Variants in HIP1 observed in about 807,000 individuals in gnomAD.
The protein encoded by HIP1 is huntingtin interacting protein 1.
A neutral mutation model predicts 147.6 loss-of-function variants in HIP1; 65 were observed. The observed-to-expected ratio is 0.44, with a 90% CI of 0.36 to 0.54. The LOEUF (loss-of-function observed/expected upper bound fraction) is 0.54, where lower values mean the gene tolerates loss of function less well. HIP1 is among the 20% of genes least tolerant of loss of function. HIP1 has a pLI of 0.00. For synonymous variants in HIP1, 479 were observed against 504.0 expected (o/e 0.95, Z 0.67); for missense variants, 1,061 against 1,299.6 (o/e 0.82, Z 2.82).
At chr7:75,604,518 T>C (rs1033175317) in intron 1 of HIP1, among the ~76,000 whole-genome samples, 8 of 152,050 alleles carry the variant, frequency 5.3e-5, no homozygotes, top group African/African-American at 1.7e-4. Flanking sequence ...TACAAAATAT[T>C]AGCTGGGTAT....
chr7:75,604,737 C>T (rs1346440359), intron 1 of HIP1, among the ~76,000 whole-genome samples: 1 of 152,058 alleles, frequency 6.6e-6, no homozygotes, highest in Non-Finnish European at 1.5e-5. Flanking sequence ...GAAACTGCTT[C>T]AGGGCCTCTA....
intron 1 of HIP1, among the ~76,000 whole-genome samples, chr7:75,681,203 G>A (rs1329356842): frequency 2.6e-5 from 4 of 151,972 alleles, no homozygotes; most frequent in South Asian, 2.1e-4. Context: ...ATGAGCCACC[G>A]CGCCCAGTGA....
chr7:75,646,353 C>G (rs1182861803), intron 1 of HIP1, among the ~76,000 whole-genome samples: 1 of 152,236 alleles, frequency 6.6e-6, no homozygotes, highest in Non-Finnish European at 1.5e-5. Context: ...TCCCAAAGTG[C>G]TGGGATTACG....
chr7:75,638,644 G>C (rs975683065), intron 1 of HIP1, among the ~76,000 whole-genome samples: 1 of 134,774 alleles, frequency 7.4e-6, no homozygotes, highest in Non-Finnish European at 1.6e-5. Context: ...CCCTGCCCAC[G>C]GGCTCAGCCC....
intron 1 of HIP1, among the ~76,000 whole-genome samples, chr7:75,693,231 A>C (rs2023891): frequency 0.57 from 86,077 of 151,842 alleles, 25,534 homozygotes; most frequent in African/African-American, 0.74. Flanking sequence ...GTGAAAGACT[A>C]TGCTTACATT....
chr7:75,650,823 T>C (rs150418242), intron 1 of HIP1, among the ~76,000 whole-genome samples: 1 of 152,220 alleles, frequency 6.6e-6, no homozygotes, highest in East Asian at 1.9e-4. Flanking sequence ...GGCTCAGAGC[T>C]GGTGTCCCCG....
intron 1 of HIP1, among the ~76,000 whole-genome samples, chr7:75,691,028 T>A (rs1229659998): frequency 6.6e-6 from 1 of 152,148 alleles, no homozygotes; most frequent in Admixed American, 6.6e-5. Context: ...GATCGGCAGA[T>A]GAAATGGATA....
At chr7:75,726,808 C>T (rs1415796784) in intron 1 of HIP1, among the ~76,000 whole-genome samples, 2 of 150,396 alleles carry the variant, frequency 1.3e-5, no homozygotes, top group Admixed American at 1.3e-4. Context: ...TCCCAAATAG[C>T]TGGGATTACA....
chr7:75,664,627 C>G (rs1237880136), intron 1 of HIP1, among the ~76,000 whole-genome samples: 1 of 150,132 alleles, frequency 6.7e-6, no homozygotes, highest in African/African-American at 2.5e-5. Context: ...GACAGGCAGA[C>G]GGACAGACAA....
In HIP1 at chr7:75,586,680, G is replaced by A. The variant is rs1796297848; in HGVS notation, c.465+73C>T. The stretch of plus-strand genomic sequence containing the variant: ...CTATTACCTGAAAGAGCTGACAAAT[G>A]AGCCCAGGGAGGGGCTGAAGGGATG... On this transcript the variant is annotated intron_variant, in intron 5 of 30. Transcript: ENST00000336926. 4 of 899,998 alleles carry A rather than the reference G, an allele frequency of 4.4e-6. No homozygotes were observed. In the African/African-American group the frequency reaches 4.9e-5, roughly 11 times the overall value. The allele number at this position is 899,998 out of a possible 1,614,324, so 55.8% of individuals were successfully genotyped here.
chr7:75,684,716 C>T (rs960746330), intron 1 of HIP1, among the ~76,000 whole-genome samples: 2 of 152,154 alleles, frequency 1.3e-5, no homozygotes, highest in East Asian at 3.8e-4. Context: ...TTATTCTGCG[C>T]TTCAGTGAAT....
At chr7:75,694,505 CTTTT>C (rs11286111) in intron 1 of HIP1, among the ~76,000 whole-genome samples, 2 of 117,528 alleles carry the variant, frequency 1.7e-5, no homozygotes, top group African/African-American at 3.4e-5. Context: ...TTCTTTCTTT[CTTTT>C]TTTTTTTTTT....
chr7:75,688,224 G>T (rs142813360), intron 1 of HIP1, among the ~76,000 whole-genome samples: 38 of 152,292 alleles, frequency 2.5e-4, no homozygotes, highest in African/African-American at 8.4e-4. Flanking sequence ...CAATCCGGGA[G>T]GTGGGACCGC....
intron 1 of HIP1, among the ~76,000 whole-genome samples, chr7:75,688,819 C>T (rs1170979215): frequency 6.6e-6 from 1 of 152,202 alleles, no homozygotes; most frequent in Non-Finnish European, 1.5e-5. Flanking sequence ...CGGCGTGTCC[C>T]TGACTTGGGT....
rs1199610172 is a variant in HIP1, at chr7:75,674,509, T to C, written c.120+64292A>G. ...ACTCTGCGGCTTTTTGTTTTTTTTT[T>C]TGAGACAGAGTCTCACTCTGTCGCC... is the stretch of plus-strand genomic sequence containing the variant. On this transcript the variant is annotated intron_variant, in intron 1 of 30. Transcript: ENST00000336926. Among the ~76,000 whole-genome samples, 10 of 59,676 alleles carry C rather than the reference T, an allele frequency of 1.7e-4. No individual in the cohort carries two copies. In the South Asian group the frequency reaches 4.6e-3, roughly 27 times the overall value. The allele number at this position is 59,676 out of a possible 152,430, so 39.1% of individuals were successfully genotyped here. A position where few individuals can be genotyped will look rare whatever the true frequency, so the allele number is the denominator to read the frequency against.
At chr7:75,723,026 T>C (rs1801545146) in intron 1 of HIP1, among the ~76,000 whole-genome samples, 1 of 152,192 alleles carries the variant, frequency 6.6e-6, no homozygotes, top group Non-Finnish European at 1.5e-5. Flanking sequence ...TCAGGCCTCC[T>C]GCCCTGAAGC....
At chr7:75,570,576 C>T (rs1554496434) in intron 8 of HIP1, among the ~76,000 whole-genome samples, 4 of 151,082 alleles carry the variant, frequency 2.6e-5, no homozygotes, top group East Asian at 3.9e-4. Context: ...CAGGCGTGAG[C>T]CACCGTGCCC....
rs587747687 is a variant in HIP1 at position 75,542,755 on chromosome 7, G to T, written c.2890+96C>A. 31 of 1,133,966 alleles carry T rather than the reference G, an allele frequency of 2.7e-5. No homozygotes were observed. In the African/African-American group the frequency reaches 3.7e-4, roughly 14 times the overall value. The allele number at this position is 1,133,966 out of a possible 1,614,324, so 70.2% of individuals were successfully genotyped here. Reference sequence around the variant, plus strand: ...AAGATGAAAAATATGAAAGAATTTAGACACAGTCCTGTGGGATTTGGTTGG... The same window carrying T: ...AAGATGAAAAATATGAAAGAATTTATACACAGTCCTGTGGGATTTGGTTGG... On this transcript the variant is annotated intron_variant, in intron 28 of 30. Transcript: ENST00000336926.
intron 7 of HIP1, among the ~76,000 whole-genome samples, chr7:75,576,504 T>G (rs1795850666): frequency 6.6e-6 from 1 of 152,104 alleles, no homozygotes; most frequent in Non-Finnish European, 1.5e-5. Flanking sequence ...GGAGGACTGC[T>G]TGAGGTCAAG....
Sources: gnomAD v4.1 joint callset for allele counts (sites outside exome capture counted in the v4.1 genomes callset) on GRCh38, gnomAD v4.1.1 for gene constraint, MANE v1.5 for transcripts, NCBI Gene and HGNC (gene_info 2026-07-23, HGNC 2026-07-21) for gene names.